NFASC: variants seen among roughly 807,000 people sequenced by gnomAD.
NFASC encodes neurofascin homolog.
In NFASC, 43 loss-of-function variants were observed where a neutral mutation model predicts 147.5. The ratio of observed to expected loss-of-function variants is 0.29; its 90% confidence interval spans 0.23 to 0.38. NFASC has a LOEUF of 0.38. Ranked by LOEUF, NFASC falls within the 10% of genes least tolerant of loss-of-function variation. NFASC has a pLI of 1.00. For synonymous variants in NFASC, 622 were observed against 665.5 expected (o/e 0.93, Z 1.01); for missense variants, 1,320 against 1,689.0 (o/e 0.78, Z 3.83).
Position 204,831,852 on chromosome 1 carries a change from ATC to A in NFASC, c.-200+3075_-200+3076del, listed in dbSNP as rs568335432. On this transcript the variant is annotated intron_variant, in intron 1 of 29. Transcript: ENST00000339876. ...GAGATGAAAAGTAAGCTAGGGTCCA[ATC>A]TCTCCGAGCTCCTGGGCAATGGAAG... Among the ~76,000 whole-genome samples the A allele has an allele frequency of 1.2e-4, 18 of 152,282 alleles. No individual in the cohort carries two copies. The East Asian group carries it at 3.5e-3, about 29-fold the overall frequency.
intron 10 of NFASC, among the ~76,000 whole-genome samples, chr1:204,969,293 T>G (rs1373909097): frequency 6.6e-6 from 1 of 152,238 alleles, no homozygotes; most frequent in Non-Finnish European, 1.5e-5. Context: ...AGCCTTTTTT[T>G]CCTTTCGTTT....
intron 2 of NFASC, among the ~76,000 whole-genome samples, chr1:204,936,689 C>T (rs78431905): frequency 0.013 from 1,917 of 152,322 alleles, 30 homozygotes; most frequent in African/African-American, 0.043. Context: ...CTGGCCTCCC[C>T]ACTTCCACCC....
intron 25 of NFASC, 71 bp from the exon 26 acceptor site, chr1:205,001,099 A>G: frequency 1.2e-6 from 1 of 849,328 alleles, no homozygotes; most frequent in Non-Finnish European, 2.0e-6. Context: ...GCTTGTGTGT[A>G]TGTGTGTGTC....
chr1:204,976,896 C>T (rs1435795349), intron 16 of NFASC, 101 bp downstream of exon 16: 1 of 1,518,392 alleles, frequency 6.6e-7, no homozygotes, highest in Non-Finnish European at 8.8e-7. Flanking sequence ...TGCCTGCAGT[C>T]AAGTGGCCGG....
chr1:204,991,256 CCT>C, intron 23 of NFASC, 34 bp from the exon 24 acceptor site: 1 of 1,610,540 alleles, frequency 6.2e-7, no homozygotes, highest in Non-Finnish European at 8.5e-7. Flanking sequence ...ATCCTTTCTC[CCT>C]CTGTCTGGCC....
At chr1:204,998,415 AG>A (rs990128759) in intron 25 of NFASC, 1 of 152,244 alleles carries the variant, frequency 6.6e-6, no homozygotes, top group Non-Finnish European at 1.5e-5. Flanking sequence ...TTACCTTCCA[AG>A]GCCTCCTTTC....
In NFASC at chr1:204,973,036, G is replaced by A. The variant is rs537314667; in HGVS notation, c.1136-240G>A. On this transcript the variant is annotated intron_variant, in intron 11 of 29. Coordinates refer to ENST00000339876, the MANE Select transcript of NFASC (RefSeq NM_001005388.3). Reference sequence around the variant, plus strand: ...CAACTGCCCAATGGGTAGGTAGGTCGAACAGGAATTCATATTCCATACTCT... The same window carrying A: ...CAACTGCCCAATGGGTAGGTAGGTCAAACAGGAATTCATATTCCATACTCT... Among the ~76,000 whole-genome samples, 185 of 152,290 alleles carry A rather than the reference G, an allele frequency of 1.2e-3. 1 individual carries two copies. The highest frequency in any genetic ancestry group is 4.3e-3 in the African/African-American group (178 of 41,544).
chr1:204,929,231 T>A (rs2092093084), intron 2 of NFASC, among the ~76,000 whole-genome samples: 1 of 151,134 alleles, frequency 6.6e-6, no homozygotes, highest in Admixed American at 6.6e-5. Flanking sequence ...GTGCTATCAA[T>A]GGTTAAACAC....
At chr1:204,897,951 T>A (rs1401966188) in intron 1 of NFASC, among the ~76,000 whole-genome samples, 2 of 152,164 alleles carry the variant, frequency 1.3e-5, no homozygotes, top group African/African-American at 4.8e-5. Context: ...TTGGCCAGGC[T>A]GGTCTCGAAC....
At chr1:204,885,348 G>A (rs183396795) in intron 1 of NFASC, among the ~76,000 whole-genome samples, 10 of 152,038 alleles carry the variant, frequency 6.6e-5, no homozygotes, top group African/African-American at 2.2e-4. Flanking sequence ...CCAGGAGCCC[G>A]GGGAATAGAA....
intron 8 of NFASC, among the ~76,000 whole-genome samples, chr1:204,966,933 G>GC (rs1175973183): frequency 1.3e-5 from 2 of 152,178 alleles, no homozygotes; most frequent in Admixed American, 1.3e-4. Flanking sequence ...CAGAACAGGA[G>GC]CCCCGCCGGT....
chr1:204,978,856 G>A, intron 17 of NFASC, 112 bp from the exon 18 acceptor site: 1 of 771,808 alleles, frequency 1.3e-6, no homozygotes, highest in Non-Finnish European at 2.1e-6. Flanking sequence ...GGCTGGGGTT[G>A]GATCCAGCTG....
At position 204,986,046 on chromosome 1, in the gene NFASC, T is replaced by C; in HGVS notation, c.2471-1372T>C. The C allele has an allele frequency of 6.2e-7, 1 of 1,614,020 alleles. No individual in the cohort carries two copies. Among genetic ancestry groups the C allele is most frequent in the South Asian group, 1.1e-5 (1 of 91,088 alleles). On this transcript the variant is annotated intron_variant, in intron 21 of 29. Coordinates refer to ENST00000339876, the MANE Select transcript of NFASC (RefSeq NM_001005388.3). This position sits in a 1 kb window ranked among gnomAD's most constrained non-coding sequence, Gnocchi z 4.2. ...CCCTACAGTAACTACAAGCTGGAGATGGTTGTGGTCAATGGGAGAGGTGAT... is the reference window on the plus strand; with the variant it reads ...CCCTACAGTAACTACAAGCTGGAGACGGTTGTGGTCAATGGGAGAGGTGAT...
chr1:204,928,361 A>G (rs1356426177), intron 2 of NFASC, among the ~76,000 whole-genome samples: 1 of 152,164 alleles, frequency 6.6e-6, no homozygotes, highest in Non-Finnish European at 1.5e-5. Context: ...AGCTGGCTGG[A>G]TTGTAGAGTC....
Position 204,917,944 on chromosome 1 carries a change from A to C in NFASC, c.-199-2688A>C, listed in dbSNP as rs151022805. On this transcript the variant is annotated intron_variant, in intron 1 of 29. Coordinates refer to ENST00000339876, the MANE Select transcript of NFASC (RefSeq NM_001005388.3). ...TGTTTCTAGGCCTTACAGTGAACAGAGCTAGGAAATGTGCATGCACAGGTG... is the reference window on the plus strand; with the variant it reads ...TGTTTCTAGGCCTTACAGTGAACAGCGCTAGGAAATGTGCATGCACAGGTG... Among the ~76,000 whole-genome samples, 1,351 of 152,292 alleles carry C rather than the reference A, an allele frequency of 8.9e-3. 22 individuals are homozygous for C. The highest frequency in any genetic ancestry group is 0.031 in the African/African-American group (1,272 of 41,556).
intron 1 of NFASC, among the ~76,000 whole-genome samples, chr1:204,916,836 G>T (rs1400376811): frequency 6.6e-6 from 1 of 152,110 alleles, no homozygotes; most frequent in Non-Finnish European, 1.5e-5. Flanking sequence ...GCCTTCCAGG[G>T]TGCTGGGATT....
chr1:204,985,836 T>A lies in NFASC; in HGVS notation c.2471-1582T>A, dbSNP rs537440456. 10 of 926,784 alleles carry A rather than the reference T, an allele frequency of 1.1e-5. No homozygotes were observed. The East Asian group carries it at 2.4e-4, about 22-fold the overall frequency. 57.4% of individuals were successfully genotyped at this position (926,784 alleles called of 1,614,324 possible). A position where few individuals can be genotyped will look rare whatever the true frequency, so the allele number is the denominator to read the frequency against. On this transcript the variant is annotated intron_variant, in intron 21 of 29. Coordinates refer to ENST00000339876, the MANE Select transcript of NFASC (RefSeq NM_001005388.3). ...CTGTAGCAAGCAAAGGAAAGACCGG[T>A]CACTACCACCACCACTAACAACTAA...
rs2096277534 is a variant in NFASC, at chr1:205,012,809, A to G, written c.3434A>G (p.Lys1145Arg). Residue 1145 changes from lysine (K) to arginine (R), a missense_variant, in exon 29 of 30, where the codon AAG becomes AGG. Around this residue, in one of 3 missense-constraint regions of NFASC, gnomAD observed 167 missense variants for 233.8 expected, o/e 0.71. Coordinates refer to ENST00000339876, the MANE Select transcript of NFASC (RefSeq NM_001005388.3). ...RGGKYPVREK[K>R]DVPLGPEDPK... ...CCTTTTGACCAAGTACGAGAAAAGA[A>G]GGATGTTCCCCTTGGCCCTGAAGAC... The G allele has an allele frequency of 1.2e-6, 2 of 1,613,406 alleles. No individual in the cohort carries two copies. The highest frequency in any genetic ancestry group is 1.7e-6 in the Non-Finnish European group (2 of 1,179,320).
intron 23 of NFASC, chr1:204,989,471 G>A (rs2095676927): frequency 6.5e-6 from 1 of 152,926 alleles, no homozygotes; most frequent in African/African-American, 2.4e-5. Context: ...AGCTGCACCT[G>A]CCTGAGGACT....
Sources: allele counts gnomAD v4.1 joint callset (sites outside exome capture counted in the v4.1 genomes callset), GRCh38; gene constraint gnomAD v4.1.1; regional missense constraint gnomAD v4.1.1; non-coding constraint Gnocchi (gnomAD v3.1); transcripts MANE v1.5; gene names NCBI Gene and HGNC (gene_info 2026-07-23, HGNC 2026-07-21).